The following VIPR2 variants were observed in gnomAD, a reference collection of about 807,000 sequenced individuals.
VIPR2 encodes vasoactive intestinal peptide receptor 2, also known as vasoactive intestinal polypeptide receptor 2.
VIPR2 carries 48 observed loss-of-function variants against 58.0 expected under a neutral mutation model. That is an observed-to-expected ratio of 0.83 (90% CI 0.66 to 1.05). The LOEUF is 1.05. VIPR2 is among the 50% of genes least tolerant of loss of function. The pLI is 0.00. For synonymous variants in VIPR2, 243 were observed against 235.2 expected, an observed-to-expected ratio of 1.03 and a Z score of -0.30; for missense variants, 534 against 558.0, an observed-to-expected ratio of 0.96 and a Z score of 0.43.
At position 159,123,970 on chromosome 7, in the gene VIPR2, A is replaced by G. The variant is rs1039791891; in HGVS notation, c.152-14051T>C. ...GTTTTCTTTTGAAAAATGTCTGTTC[A>G]TGTCCTCTGCCTACTCTTTAATAGG... On this transcript the variant is annotated intron_variant, in intron 2 of 12. Coordinates refer to ENST00000262178, the MANE Select transcript of VIPR2 (RefSeq NM_003382.5). 1.7e-4 allele frequency among the ~76,000 whole-genome samples: 26 copies of G among 152,222 alleles called. No individual in the cohort carries two copies. The East Asian group carries it at 4.2e-3, about 25-fold the overall frequency.
chr7:159,036,631 G>T, intron 7 of VIPR2, 121 bp downstream of exon 7: 1 of 1,268,348 alleles, frequency 7.9e-7, no homozygotes, highest in Non-Finnish European at 1.1e-6. Context: ...AGCTCTTCAT[G>T]ATATGACCCT....
chr7:159,142,911 A>G lies in VIPR2; in HGVS notation c.52-366T>C, dbSNP rs142536506. Among the ~76,000 whole-genome samples, 1,217 of 152,310 alleles carry G rather than the reference A, an allele frequency of 8.0e-3. 16 individuals are homozygous for G. The highest frequency in any genetic ancestry group is 0.028 in the African/African-American group (1,157 of 41,554). On this transcript the variant is annotated intron_variant, in intron 1 of 12. Coordinates refer to ENST00000262178, the MANE Select transcript of VIPR2 (RefSeq NM_003382.5). ...GTTTGGTTTAAGCGGATGCCTGTGG[A>G]CTGTGCCGCTTCCTCCGAGGACGGC...
chr7:159,059,146 A>G, intron 4 of VIPR2: 1 of 436,604 alleles, frequency 2.3e-6, no homozygotes, highest in South Asian at 1.6e-5. Context: ...CCACGAAATC[A>G]TCAGGTACAG....
chr7:159,133,595 T>C (rs1797078187), intron 2 of VIPR2, among the ~76,000 whole-genome samples: 1 of 152,244 alleles, frequency 6.6e-6, no homozygotes, highest in Non-Finnish European at 1.5e-5. Flanking sequence ...TATATTATCG[T>C]TCCTGGCACA....
chr7:159,087,181 G>A (rs2730284), intron 4 of VIPR2, among the ~76,000 whole-genome samples: 85 of 148,012 alleles, frequency 5.7e-4, no homozygotes, highest in African/African-American at 7.3e-4. Flanking sequence ...CCCAGGACTC[G>A]GATAGTGAGA....
intron 3 of VIPR2, among the ~76,000 whole-genome samples, chr7:159,105,353 G>A (rs1420808938): frequency 6.6e-6 from 1 of 152,040 alleles, no homozygotes; most frequent in Non-Finnish European, 1.5e-5. Flanking sequence ...TGGGGCTTTG[G>A]ATTTAGCAAA....
intron 10 of VIPR2, among the ~76,000 whole-genome samples, chr7:159,033,547 C>T (rs1853720161): frequency 6.6e-6 from 1 of 152,160 alleles, no homozygotes; most frequent in Non-Finnish European, 1.5e-5. Flanking sequence ...TATAGATTCC[C>T]CGGATCATCA....
chr7:159,036,208 G>A (rs181226353), intron 7 of VIPR2, among the ~76,000 whole-genome samples, 196 bp from the exon 8 acceptor site: 74 of 152,174 alleles, frequency 4.9e-4, no homozygotes, highest in African/African-American at 1.7e-3. Flanking sequence ...TTAAACACAC[G>A]CTTGAGAGCT....
chr7:159,107,330 G>C (rs73730164), intron 3 of VIPR2, among the ~76,000 whole-genome samples: 3 of 152,174 alleles, frequency 2.0e-5, no homozygotes, highest in African/African-American at 7.2e-5. Context: ...CACAGCTGTC[G>C]GAGCTGCCTC....
At chr7:159,144,094 C>T (rs1036178799) in intron 1 of VIPR2, among the ~76,000 whole-genome samples, 1 of 152,254 alleles carries the variant, frequency 6.6e-6, no homozygotes, top group African/African-American at 2.4e-5. Flanking sequence ...AAGCAAGAAA[C>T]AAGGCTCGGG....
intron 3 of VIPR2, among the ~76,000 whole-genome samples, chr7:159,107,893 C>T (rs1260168475): frequency 6.6e-6 from 1 of 151,878 alleles, no homozygotes; most frequent in African/African-American, 2.4e-5. Flanking sequence ...CGTGATGATG[C>T]CCAGAGGCCA....
At position 159,127,055 on chromosome 7, in the gene VIPR2, T is replaced by C. The variant is rs143089700; in HGVS notation, c.151+15391A>G. Reference sequence around the variant, plus strand: ...AAACAGCTAAGACAGGAGGAGACAATGCCCCACAGCAGAGCGCGGTCTCCA... The same window carrying C: ...AAACAGCTAAGACAGGAGGAGACAACGCCCCACAGCAGAGCGCGGTCTCCA... On this transcript the variant is annotated intron_variant, in intron 2 of 12. Coordinates refer to ENST00000262178, the MANE Select transcript of VIPR2 (RefSeq NM_003382.5). This position sits in a 1 kb window ranked among gnomAD's most constrained non-coding sequence, Gnocchi z 4.6. 3.7e-4 allele frequency among the ~76,000 whole-genome samples: 57 copies of C among 152,306 alleles called. 1 individual carries two copies. The East Asian group carries it at 9.3e-3, about 25-fold the overall frequency.
In VIPR2 at chr7:159,043,528, AAAC is replaced by A. The variant is rs148868612; in HGVS notation, c.456-355_456-353del. ...AATGGTGGTGTAGGGACCATTCAAG[AAAC>A]AACAACAACAACAACAAAGATACTC... On this transcript the variant is annotated intron_variant, in intron 5 of 12. Coordinates refer to ENST00000262178, the MANE Select transcript of VIPR2 (RefSeq NM_003382.5). Among the ~76,000 whole-genome samples the A allele has an allele frequency of 8.2e-3, 1,243 of 152,160 alleles. 16 individuals carry two copies. The highest frequency in any genetic ancestry group is 0.028 in the African/African-American group (1,144 of 41,530).
intron 10 of VIPR2, among the ~76,000 whole-genome samples, chr7:159,033,228 C>G (rs1168608329): frequency 2.0e-5 from 3 of 152,214 alleles, no homozygotes; most frequent in Non-Finnish European, 2.9e-5. Context: ...CTGCACCCAG[C>G]TTTGGGGCTG....
At chr7:159,137,184 ACCC>A (rs1343472148) in intron 2 of VIPR2, among the ~76,000 whole-genome samples, 1 of 152,012 alleles carries the variant, frequency 6.6e-6, no homozygotes, top group Non-Finnish European at 1.5e-5. Context: ...CACTGTGGTC[ACCC>A]AGGCAACAGC....
rs1462528652 is a variant in VIPR2 at position 159,032,027 on chromosome 7, C to G, written c.1012G>C (p.Gly338Arg). The change falls in exon 11 of 13, where the codon GGC becomes CGC. Residue 338 changes from glycine to arginine, a missense_variant. By Grantham distance (125) the Gly-to-Arg change is moderately radical. Transcript: ENST00000262178. ...KSTLLLIPLF[G>R]VHYMVFAVFP... ...ACGGCAAACACCATGTAGTGGACGC[C>G]GAACAGCGGGATAAGCAGGAGCGTG... 1.2e-6 allele frequency: 2 copies of G among 1,613,964 alleles called. No homozygotes were observed. The highest frequency in any genetic ancestry group is 2.2e-5 in the East Asian group (1 of 44,866).
At chr7:159,034,914 C>A (rs1425444746) in intron 8 of VIPR2, among the ~76,000 whole-genome samples, 1 of 152,110 alleles carries the variant, frequency 6.6e-6, no homozygotes, top group Non-Finnish European at 1.5e-5. Context: ...GCTGCTGACG[C>A]CCTCCACTCT....
At position 159,055,582 on chromosome 7, in the gene VIPR2, C is replaced by A. The variant is rs538166595; in HGVS notation, c.455+2899G>T. ...CTCCCTCTGGCTTCTCCTCAACACC[C>A]CTTCCTCAGAAGGCAAATGTCCCCC... On this transcript the variant is annotated intron_variant, in intron 5 of 12. Transcript: ENST00000262178. Among the ~76,000 whole-genome samples, 3 of 152,198 alleles carry A rather than the reference C, an allele frequency of 2.0e-5. No individual in the cohort carries two copies. In the South Asian group the frequency reaches 6.2e-4, roughly 32 times the overall value.
chr7:159,045,591 A>T (rs932964177), intron 5 of VIPR2, among the ~76,000 whole-genome samples: 5 of 152,210 alleles, frequency 3.3e-5, no homozygotes, highest in African/African-American at 1.2e-4. Context: ...TGAATCAATG[A>T]CCTAGACATA....
Sources: allele counts gnomAD v4.1 joint callset (sites outside exome capture counted in the v4.1 genomes callset), GRCh38; gene constraint gnomAD v4.1.1; non-coding constraint Gnocchi (gnomAD v3.1); transcripts MANE v1.5; gene names NCBI Gene and HGNC (gene_info 2026-07-23, HGNC 2026-07-21).